WDFY4: variants seen among roughly 807,000 people sequenced by gnomAD.
WDFY4 encodes the protein WD repeat- and FYVE domain-containing protein 4.
A neutral mutation model predicts 351.9 loss-of-function variants in WDFY4; 169 were observed. The observed-to-expected ratio is 0.48, with a 90% confidence interval of 0.42 to 0.55. WDFY4 has a LOEUF of 0.55. Ranked by LOEUF, WDFY4 falls within the 20% of genes least tolerant of loss-of-function variation. WDFY4 has a pLI of 0.00. For missense variants in WDFY4, 3,803 were observed against 3,935.6 expected (o/e 0.97, Z 0.90); for synonymous variants, 1,622 against 1,574.6 (o/e 1.03, Z -0.71).
intron 51 of WDFY4, among the ~76,000 whole-genome samples, chr10:48,948,651 C>G (rs577666744): frequency 2.2e-4 from 33 of 152,302 alleles, no homozygotes; most frequent in Admixed American, 2.1e-3. Flanking sequence ...GTTATTTTAC[C>G]TCTGGAAATG....
At chr10:48,928,771 C>T (rs1034809967) in intron 47 of WDFY4, among the ~76,000 whole-genome samples, 4 of 152,176 alleles carry the variant, frequency 2.6e-5, no homozygotes, top group Non-Finnish European at 4.4e-5. Context: ...CTTTGCTGAC[C>T]GCCTATCACC....
intron 42 of WDFY4, 74 bp downstream of exon 42, chr10:48,875,214 A>G (rs1308861601): frequency 1.1e-6 from 1 of 870,870 alleles, no homozygotes; most frequent in Non-Finnish European, 1.6e-6. Context: ...TATTAAAGAT[A>G]TTAAATTAAT....
At chr10:48,744,029 T>A (rs973487413) in intron 12 of WDFY4, among the ~76,000 whole-genome samples, 1 of 152,202 alleles carries the variant, frequency 6.6e-6, no homozygotes, top group Non-Finnish European at 1.5e-5. Context: ...TTGCTGCTTC[T>A]ACACCCCCTA....
At chr10:48,830,626 A>G in intron 37 of WDFY4, 74 bp from the exon 38 acceptor site, 1 of 1,480,532 alleles carries the variant, frequency 6.8e-7, no homozygotes, top group Admixed American at 2.1e-5. Flanking sequence ...ACCACTCATG[A>G]TGCACCATCT....
At chr10:48,977,403 A>ATC (rs1403929118) in intron 59 of WDFY4, among the ~76,000 whole-genome samples, 1 of 151,738 alleles carries the variant, frequency 6.6e-6, no homozygotes, top group Non-Finnish European at 1.5e-5. Flanking sequence ...CCACCCATCC[A>ATC]TCTCTCTATC....
chr10:48,966,667 G>A lies in WDFY4; in HGVS notation c.8578G>A (p.Val2860Ile), dbSNP rs1389064643. ...GTCGCTGAGGCCCTCCCAGGTCACG[G>A]TCAAAGGTGATTCCCTGGCCATGCA... Reference protein sequence around the residue: ...LQSLRPSQVTVKDMYLFSLGS... With the variant: ...LQSLRPSQVTIKDMYLFSLGS... The change falls in exon 55 of 62, where the codon GTC (valine) becomes ATC (isoleucine). Residue 2860 changes from valine (V) to isoleucine (I), a missense_variant. Physicochemically the swap from Val to Ile is conservative, Grantham distance 29. Around this residue, in one of 3 missense-constraint regions of WDFY4, gnomAD observed 3,054 missense variants for 3,148.6 expected, o/e 0.97. Coordinates refer to ENST00000325239, the MANE Select transcript of WDFY4 (RefSeq NM_001394531.1). The A allele has an allele frequency of 2.6e-6, 4 of 1,551,384 alleles. No homozygotes were observed. Among genetic ancestry groups the A allele is most frequent in the Middle Eastern group, 3.3e-4 (2 of 5,986 alleles).
At chr10:48,833,102 C>T (rs1368695789) in intron 39 of WDFY4, among the ~76,000 whole-genome samples, 1 of 151,378 alleles carries the variant, frequency 6.6e-6, no homozygotes, top group Non-Finnish European at 1.5e-5. Context: ...TTCTCAAAAC[C>T]TGCAAAACAA....
At chr10:48,867,095 G>C (rs1334355181) in intron 39 of WDFY4, among the ~76,000 whole-genome samples, 170 bp from the exon 40 acceptor site, 1 of 151,784 alleles carries the variant, frequency 6.6e-6, no homozygotes, top group African/African-American at 2.4e-5. Context: ...GCTTGAACCT[G>C]TGAGGCAGAG....
At chr10:48,915,956 G>A (rs1838490082) in intron 47 of WDFY4, among the ~76,000 whole-genome samples, 1 of 152,172 alleles carries the variant, frequency 6.6e-6, no homozygotes, top group Non-Finnish European at 1.5e-5. Flanking sequence ...ATTCAGCTCT[G>A]AGAAACCAGA....
intron 47 of WDFY4, among the ~76,000 whole-genome samples, chr10:48,914,660 C>T (rs988951163): frequency 4.6e-5 from 7 of 152,106 alleles, no homozygotes; most frequent in African/African-American, 1.7e-4. Context: ...GTTTTCCAGC[C>T]AACATAAGCC....
intron 48 of WDFY4, among the ~76,000 whole-genome samples, chr10:48,942,388 G>GTA (rs1176816425): frequency 1.3e-5 from 2 of 151,986 alleles, no homozygotes; most frequent in African/African-American, 2.4e-5. Flanking sequence ...GCGTGTGTGT[G>GTA]TGTGTGCGCG....
chr10:48,727,083 A>G (rs1177323170), intron 6 of WDFY4, among the ~76,000 whole-genome samples: 2 of 152,016 alleles, frequency 1.3e-5, no homozygotes, highest in East Asian at 3.9e-4. Flanking sequence ...TCACATGTTC[A>G]TACATCCTCC....
At chr10:48,775,864 C>A in intron 15 of WDFY4, 58 bp downstream of exon 15, 2 of 1,430,302 alleles carry the variant, frequency 1.4e-6, no homozygotes, top group South Asian at 1.2e-5. Context: ...GATAGGCATT[C>A]CTGCTGAGGG....
intron 47 of WDFY4, among the ~76,000 whole-genome samples, chr10:48,919,666 C>G (rs755874940): frequency 2.0e-5 from 3 of 152,176 alleles, no homozygotes; most frequent in Non-Finnish European, 4.4e-5. Context: ...GAGAGCAAAA[C>G]AATTGTCTGG....
At chr10:48,740,452 C>T (rs749506052) in intron 11 of WDFY4, among the ~76,000 whole-genome samples, 8 of 152,236 alleles carry the variant, frequency 5.3e-5, no homozygotes, top group Non-Finnish European at 1.2e-4. Flanking sequence ...ACCCTGGGGC[C>T]TCCAGGATGG....
chr10:48,913,371 C>T, intron 47 of WDFY4: 1 of 1,600,770 alleles, frequency 6.2e-7, no homozygotes, highest in Non-Finnish European at 8.5e-7. Flanking sequence ...CCTTCTGCCT[C>T]AGGGTCAGGT....
chr10:48,947,614 T>C (rs1841114430), intron 51 of WDFY4, among the ~76,000 whole-genome samples: 1 of 152,152 alleles, frequency 6.6e-6, no homozygotes, highest in Non-Finnish European at 1.5e-5. Flanking sequence ...TGTTGCCAGG[T>C]TGGTGTCCAA....
At chr10:48,854,731 T>A (rs1173042621) in intron 39 of WDFY4, among the ~76,000 whole-genome samples, 1 of 152,212 alleles carries the variant, frequency 6.6e-6, no homozygotes, top group Admixed American at 6.5e-5. Flanking sequence ...TTTCCTATTA[T>A]CACACTGAAG....
intron 44 of WDFY4, among the ~76,000 whole-genome samples, chr10:48,893,604 G>T (rs914195210): frequency 2.6e-5 from 4 of 152,212 alleles, no homozygotes; most frequent in African/African-American, 9.6e-5. Context: ...CACTATGGTG[G>T]ACTCCATAGA....
Sources: gnomAD v4.1 joint callset for allele counts (sites outside exome capture counted in the v4.1 genomes callset) on GRCh38, gnomAD v4.1.1 for gene constraint, gnomAD v4.1.1 regional missense constraint, MANE v1.5 for transcripts, NCBI Gene and HGNC (gene_info 2026-07-23, HGNC 2026-07-21) for gene names.